The following ROBO1 variants were observed in gnomAD, a reference collection of about 807,000 sequenced individuals.
ROBO1 encodes roundabout homolog 1.
A neutral mutation model predicts 195.9 loss-of-function variants in ROBO1; 149 were observed. The observed-to-expected ratio is 0.76, with a 90% CI of 0.67 to 0.87. The LOEUF (loss-of-function observed/expected upper bound fraction) is 0.87. Among genes scored for constraint, ROBO1 ranks in the 40% least tolerant of loss-of-function variants. The pLI is 0.00. For missense variants in ROBO1, 1,933 were observed against 2,068.3 expected, an observed-to-expected ratio of 0.93 and a Z score of 1.27; for synonymous variants, 816 against 733.2, an observed-to-expected ratio of 1.11 and a Z score of -1.82.
intron 2 of ROBO1, among the ~76,000 whole-genome samples, chr3:79,311,885 T>C (rs2033503926): frequency 6.6e-6 from 1 of 152,178 alleles, no homozygotes; most frequent in Non-Finnish European, 1.5e-5. Flanking sequence ...CTCTTAATCC[T>C]GTGGTTTAAA....
chr3:78,701,240 T>C (rs2081413631), intron 8 of ROBO1, among the ~76,000 whole-genome samples: 1 of 152,256 alleles, frequency 6.6e-6, no homozygotes, highest in Non-Finnish European at 1.5e-5. Context: ...AACATATGTA[T>C]TGATACATTA....
At position 79,109,014 on chromosome 3, in the gene ROBO1, T is replaced by C. The variant is rs555755792; in HGVS notation, c.172+16442A>G. Among the ~76,000 whole-genome samples, 243 of 151,738 alleles carry C rather than the reference T, an allele frequency of 1.6e-3. 2 individuals carry two copies. The highest frequency in any genetic ancestry group is 5.3e-3 in the African/African-American group (221 of 41,478). On this transcript the variant is annotated intron_variant, in intron 3 of 30. Transcript: ENST00000464233. ...AAGGTATATCACAGTGCCTCTTTCT[T>C]TTTTTTTAAAACAGAAAAAATTAGT...
intron 5 of ROBO1, among the ~76,000 whole-genome samples, chr3:78,724,024 T>C (rs1198556736): frequency 2.0e-5 from 3 of 151,822 alleles, no homozygotes; most frequent in East Asian, 1.9e-4. Context: ...AAGTAGATGA[T>C]ACAAAAAATG....
intron 4 of ROBO1, among the ~76,000 whole-genome samples, chr3:78,887,251 C>G (rs162429): frequency 0.37 from 56,239 of 151,898 alleles, 10,852 homozygotes; most frequent in African/African-American, 0.47. Flanking sequence ...ACAGGCCTTG[C>G]ATGAAAAATT....
chr3:79,377,017 C>T (rs530612465), intron 2 of ROBO1, among the ~76,000 whole-genome samples: 4 of 151,458 alleles, frequency 2.6e-5, no homozygotes, highest in Non-Finnish European at 5.9e-5. Context: ...GATAATTAAG[C>T]AAATATATAG....
intron 2 of ROBO1, among the ~76,000 whole-genome samples, chr3:79,434,075 T>C (rs192568233): frequency 1.3e-5 from 2 of 152,260 alleles, no homozygotes; most frequent in African/African-American, 2.4e-5. Flanking sequence ...TCAAGATGCA[T>C]TAAAGACTTA....
chr3:78,742,064 T>A (rs2082545705), intron 5 of ROBO1, among the ~76,000 whole-genome samples: 1 of 152,158 alleles, frequency 6.6e-6, no homozygotes, highest in Non-Finnish European at 1.5e-5. Context: ...GCAGCTATAA[T>A]TCAACTACAT....
intron 2 of ROBO1, among the ~76,000 whole-genome samples, chr3:79,204,972 GAATTAGTT>G (rs2081839484): frequency 7.1e-6 from 1 of 141,820 alleles, no homozygotes; most frequent in African/African-American, 2.9e-5. Context: ...TTGACTTGGA[GAATTAGTT>G]AGTTAGTTAG....
intron 20 of ROBO1, among the ~76,000 whole-genome samples, chr3:78,646,830 C>T (rs1015428973): frequency 2.6e-5 from 4 of 151,866 alleles, no homozygotes; most frequent in African/African-American, 9.7e-5. Flanking sequence ...TTGAAAGCAT[C>T]CTCAGCTTAA....
At chr3:78,864,102 T>C (rs1211814116) in intron 4 of ROBO1, among the ~76,000 whole-genome samples, 1 of 152,202 alleles carries the variant, frequency 6.6e-6, no homozygotes, top group Non-Finnish European at 1.5e-5. Flanking sequence ...AGGAGGAATA[T>C]GTTAACTTAT....
At chr3:79,205,031 C>G (rs1487364217) in intron 2 of ROBO1, among the ~76,000 whole-genome samples, 1 of 151,940 alleles carries the variant, frequency 6.6e-6, no homozygotes, top group Non-Finnish European at 1.5e-5. Flanking sequence ...CTCACTCTGT[C>G]GCCTAGGCTG....
At position 79,712,813 on chromosome 3, in the gene ROBO1, C is replaced by T. The variant is rs193280444; in HGVS notation, c.-51+54939G>A. 4.6e-5 allele frequency among the ~76,000 whole-genome samples: 7 copies of T among 152,114 alleles called. No individual in the cohort carries two copies. The East Asian group carries it at 5.8e-4, about 13-fold the overall frequency. ...AATTTAAGATGAAGCCAATGCTTAC[C>T]GTTCCAAAAATCCTAGTGCCCTTAA... On this transcript the variant is annotated intron_variant, in intron 1 of 30. Transcript: ENST00000464233.
At chr3:79,613,464 A>T (rs1944726947) in intron 1 of ROBO1, among the ~76,000 whole-genome samples, 1 of 152,106 alleles carries the variant, frequency 6.6e-6, no homozygotes, top group South Asian at 2.1e-4. Context: ...AAAATACTCA[A>T]CTAACCCAAA....
chr3:78,717,678 C>A, intron 6 of ROBO1, 85 bp downstream of exon 6: 1 of 1,454,866 alleles, frequency 6.9e-7, no homozygotes, highest in South Asian at 1.3e-5. Flanking sequence ...TTTGGCTTAA[C>A]AATTTTTCTT....
intron 4 of ROBO1, among the ~76,000 whole-genome samples, chr3:78,759,855 A>C (rs756428171): frequency 2.0e-5 from 3 of 152,180 alleles, no homozygotes; most frequent in Non-Finnish European, 4.4e-5. Flanking sequence ...AATATGCAAA[A>C]ATGAAAGGAG....
At position 79,177,339 on chromosome 3, in the gene ROBO1, G is replaced by A. The variant is rs529756807; in HGVS notation, c.89-51800C>T. Reference sequence around the variant, plus strand: ...CCATTTTGGAGTCAGAATTCTCAGTGCTTTGCCAACAAGTGCATTGCCTCA... The same window carrying A: ...CCATTTTGGAGTCAGAATTCTCAGTACTTTGCCAACAAGTGCATTGCCTCA... On this transcript the variant is annotated intron_variant, in intron 2 of 30. Coordinates refer to ENST00000464233, the MANE Select transcript of ROBO1 (RefSeq NM_002941.4). Among the ~76,000 whole-genome samples, 16 of 152,328 alleles carry A rather than the reference G, an allele frequency of 1.1e-4. No individual in the cohort carries two copies. The South Asian group carries it at 2.9e-3, about 28-fold the overall frequency.
intron 1 of ROBO1, among the ~76,000 whole-genome samples, chr3:79,664,710 C>T (rs769615160): frequency 6.6e-6 from 1 of 151,990 alleles, no homozygotes; most frequent in African/African-American, 2.4e-5. Context: ...GTGCTTGTTA[C>T]ATTCTCTCTC....
In ROBO1 at chr3:78,784,983, T is replaced by C. The variant is rs181910638; in HGVS notation, c.500-38083A>G. Among the ~76,000 whole-genome samples the C allele has an allele frequency of 4.9e-3, 741 of 152,276 alleles. 7 individuals carry two copies. Among genetic ancestry groups the C allele is most frequent in the African/African-American group, 0.017 (702 of 41,556 alleles). ...TGCCAAGTACAGCTGCACAGGTTATTCACTGCACAAGTACATCCAGCATAT... is the reference window on the plus strand; with the variant it reads ...TGCCAAGTACAGCTGCACAGGTTATCCACTGCACAAGTACATCCAGCATAT... On this transcript the variant is annotated intron_variant, in intron 4 of 30. Coordinates refer to ENST00000464233, the MANE Select transcript of ROBO1 (RefSeq NM_002941.4).
intron 2 of ROBO1, among the ~76,000 whole-genome samples, chr3:79,190,635 C>T (rs893838706): frequency 1.3e-5 from 2 of 151,502 alleles, no homozygotes; most frequent in African/African-American, 4.8e-5. Context: ...TTTCTCTTTC[C>T]TCCCCTGAAG....
Sources: gnomAD v4.1 joint callset for allele counts (sites outside exome capture counted in the v4.1 genomes callset) on GRCh38, gnomAD v4.1.1 for gene constraint, MANE v1.5 for transcripts, NCBI Gene and HGNC (gene_info 2026-07-23, HGNC 2026-07-21) for gene names.